The following DCDC1 variants were observed in gnomAD, a reference collection of about 807,000 sequenced individuals.
DCDC1 encodes the protein doublecortin domain containing 1.
Under a neutral mutation model 178.3 loss-of-function variants are expected in DCDC1, and 200 were observed. The ratio of observed to expected loss-of-function variants is 1.12; its 90% CI spans 1.00 to 1.26. DCDC1 has a LOEUF of 1.26. Among genes scored for constraint, DCDC1 ranks in the 50% most tolerant of loss-of-function variants. DCDC1 has a pLI of 0.00. For synonymous variants in DCDC1, 690 were observed against 604.8 expected (o/e 1.14, Z -2.07); for missense variants, 1,983 against 1,749.2 (o/e 1.13, Z -2.38).
chr11:30,884,382 T>C (rs1942983522), intron 36 of DCDC1, among the ~76,000 whole-genome samples: 2 of 152,162 alleles, frequency 1.3e-5, no homozygotes, highest in South Asian at 2.1e-4. Context: ...CTTTTTTTTG[T>C]TACGAATTTT....
At chr11:31,329,559 C>T (rs979916045) in intron 2 of DCDC1, among the ~76,000 whole-genome samples, 6 of 152,128 alleles carry the variant, frequency 3.9e-5, no homozygotes, top group Non-Finnish European at 8.8e-5. Context: ...TGCCCCCCAC[C>T]CCACAACAGG....
intron 1 of DCDC1, among the ~76,000 whole-genome samples, chr11:31,357,107 T>A (rs1005852241): frequency 6.6e-6 from 1 of 152,132 alleles, no homozygotes; most frequent in South Asian, 2.1e-4. Flanking sequence ...ATCATCCTGA[T>A]ACCAAAGCCG....
At chr11:31,155,979 G>C (rs1422334636) in intron 9 of DCDC1, 1 of 152,170 alleles carries the variant, frequency 6.6e-6, no homozygotes, top group Non-Finnish European at 1.5e-5. Context: ...TTGATGACTG[G>C]AATCTAAAAC....
intron 11 of DCDC1, among the ~76,000 whole-genome samples, chr11:31,116,409 T>A (rs1411975549): frequency 6.6e-6 from 1 of 151,972 alleles, no homozygotes; most frequent in East Asian, 1.9e-4. Flanking sequence ...AAAAAAAAAT[T>A]TATCCAACCA....
At chr11:31,284,033 T>A (rs555355675) in intron 7 of DCDC1, among the ~76,000 whole-genome samples, 1 of 151,492 alleles carries the variant, frequency 6.6e-6, no homozygotes, top group East Asian at 2.0e-4. Flanking sequence ...AAAGACATAG[T>A]GAACTTTAGG....
At chr11:31,261,102 G>C (rs1205266387) in intron 8 of DCDC1, among the ~76,000 whole-genome samples, 1 of 152,114 alleles carries the variant, frequency 6.6e-6, no homozygotes, top group Non-Finnish European at 1.5e-5. Flanking sequence ...ATAACATAGA[G>C]ATGAATTTGA....
chr11:31,258,485 C>T (rs575667295), intron 8 of DCDC1, among the ~76,000 whole-genome samples: 29 of 152,174 alleles, frequency 1.9e-4, no homozygotes, highest in Middle Eastern at 3.4e-3. Flanking sequence ...TAACCCCAAG[C>T]CTGTCAGAAA....
chr11:30,923,964 T>C (rs1946431052), intron 23 of DCDC1, among the ~76,000 whole-genome samples: 1 of 152,106 alleles, frequency 6.6e-6, no homozygotes, highest in Non-Finnish European at 1.5e-5. Flanking sequence ...CTTTTGGACA[T>C]ATTTAATCAT....
At chr11:30,964,431 C>T (rs913132027) in intron 20 of DCDC1, among the ~76,000 whole-genome samples, 1 of 152,092 alleles carries the variant, frequency 6.6e-6, no homozygotes, top group Non-Finnish European at 1.5e-5. Flanking sequence ...ATTGACATGG[C>T]ATAGATCTTT....
intron 3 of DCDC1, among the ~76,000 whole-genome samples, chr11:31,310,600 G>A (rs957877798): frequency 4.0e-5 from 6 of 151,776 alleles, no homozygotes; most frequent in African/African-American, 7.3e-5. Flanking sequence ...ATTACACCGC[G>A]CCCAGCCTCA....
chr11:31,112,383 T>C (rs780867660), intron 11 of DCDC1, among the ~76,000 whole-genome samples: 1 of 152,218 alleles, frequency 6.6e-6, no homozygotes, highest in East Asian at 1.9e-4. Flanking sequence ...AGAGTTTCTA[T>C]GATTGACTTA....
At chr11:31,223,351 T>C (rs1042325715) in intron 9 of DCDC1, among the ~76,000 whole-genome samples, 3 of 152,182 alleles carry the variant, frequency 2.0e-5, no homozygotes, top group Admixed American at 2.0e-4. Context: ...TATGTATGCA[T>C]ATGTGGGAAA....
intron 20 of DCDC1, among the ~76,000 whole-genome samples, chr11:30,956,620 T>C (rs751033221): frequency 6.6e-6 from 1 of 152,114 alleles, no homozygotes; most frequent in Admixed American, 6.5e-5. Flanking sequence ...TATATATTAC[T>C]TTTACTTTAA....
chr11:31,195,614 T>C (rs1296273419), intron 9 of DCDC1, among the ~76,000 whole-genome samples: 1 of 152,036 alleles, frequency 6.6e-6, no homozygotes, highest in African/African-American at 2.4e-5. Flanking sequence ...ATGACCTAAA[T>C]TAGGATCCCT....
chr11:30,911,820 T>C (rs1945469530), intron 27 of DCDC1, among the ~76,000 whole-genome samples: 1 of 152,142 alleles, frequency 6.6e-6, no homozygotes. Context: ...TGTACCACCA[T>C]CCCATTCCCT....
At chr11:30,870,946 A>G (rs990698955) in intron 38 of DCDC1, among the ~76,000 whole-genome samples, 2 of 152,210 alleles carry the variant, frequency 1.3e-5, no homozygotes, top group Non-Finnish European at 2.9e-5. Flanking sequence ...ATACATGTCT[A>G]TACTAACAAT....
intron 2 of DCDC1, among the ~76,000 whole-genome samples, chr11:31,329,329 T>C (rs1438751225): frequency 6.6e-6 from 1 of 152,150 alleles, no homozygotes; most frequent in Non-Finnish European, 1.5e-5. Flanking sequence ...ACCTCTTTAG[T>C]TTCCTACGTA....
chr11:31,241,728 C>A (rs573275523), intron 8 of DCDC1, 112 bp from the exon 9 acceptor site: 2 of 389,774 alleles, frequency 5.1e-6, no homozygotes, highest in Non-Finnish European at 9.1e-6. Context: ...TTATTTATAA[C>A]TGACCTGGGT....
intron 21 of DCDC1, among the ~76,000 whole-genome samples, chr11:30,940,267 C>G (rs77304076): frequency 6.6e-6 from 1 of 152,112 alleles, no homozygotes; most frequent in African/African-American, 2.4e-5. Flanking sequence ...GCCTCCCAGA[C>G]AGCATCAAGG....
Sources: allele counts gnomAD v4.1 joint callset (sites outside exome capture counted in the v4.1 genomes callset), GRCh38; gene constraint gnomAD v4.1.1; transcripts MANE v1.5; gene names NCBI Gene and HGNC (gene_info 2026-07-23, HGNC 2026-07-21).